SNAP25: variants seen among roughly 807,000 people sequenced by gnomAD.
The protein encoded by SNAP25 is synaptosomal-associated protein 25.
Under a neutral mutation model 28.7 loss-of-function variants are expected in SNAP25, and 3 were observed. That is an observed-to-expected ratio of 0.10 (90% CI 0.05 to 0.27). The LOEUF (loss-of-function observed/expected upper bound fraction) is 0.27, where lower values mean the gene tolerates loss of function less well. SNAP25 is among the 10% of genes least tolerant of loss of function. The pLI is 1.00. For synonymous variants in SNAP25, 61 were observed against 88.1 expected (o/e 0.69, Z 1.72); for missense variants, 117 against 278.7 (o/e 0.42, Z 4.13).
chr20:10,292,383 A>G (rs2064017200), intron 4 of SNAP25, among the ~76,000 whole-genome samples: 1 of 152,230 alleles, frequency 6.6e-6, no homozygotes. Context: ...AAAGACATCC[A>G]TACCCATTGC....
chr20:10,227,549 C>T (rs1469943685), intron 1 of SNAP25, among the ~76,000 whole-genome samples: 1 of 151,988 alleles, frequency 6.6e-6, no homozygotes, highest in Non-Finnish European at 1.5e-5. Context: ...AATTATGTCC[C>T]AAGGAATTAC....
intron 1 of SNAP25, among the ~76,000 whole-genome samples, chr20:10,269,702 G>T (rs925302127): frequency 5.3e-5 from 8 of 152,194 alleles, no homozygotes; most frequent in African/African-American, 1.9e-4. Flanking sequence ...AGCATGAAAG[G>T]AGCCATTGAC....
chr20:10,260,724 A>ACACACACACACACACAC (rs1568597310), intron 1 of SNAP25, among the ~76,000 whole-genome samples: 2 of 78,414 alleles, frequency 2.6e-5, no homozygotes, highest in African/African-American at 8.3e-5. Flanking sequence ...CACACACACA[A>ACACACACACACACACAC]ACACACACAC....
chr20:10,221,930 A>C (rs943141139), intron 1 of SNAP25, among the ~76,000 whole-genome samples: 1 of 152,270 alleles, frequency 6.6e-6, no homozygotes, highest in Non-Finnish European at 1.5e-5. Context: ...AGAAAAATAG[A>C]AAATATGCTT....
intron 1 of SNAP25, among the ~76,000 whole-genome samples, chr20:10,256,925 A>T (rs1385064519): frequency 6.6e-6 from 1 of 152,352 alleles, no homozygotes; most frequent in East Asian, 1.9e-4. Flanking sequence ...AATTGACTAT[A>T]AAAAACAGGA....
chr20:10,233,419 A>T (rs1023483096), intron 1 of SNAP25, among the ~76,000 whole-genome samples: 1 of 152,168 alleles, frequency 6.6e-6, no homozygotes, highest in Admixed American at 6.5e-5. Context: ...CAACCGTAAC[A>T]TTTATCCTTG....
chr20:10,234,945 C>T (rs2062891511), intron 1 of SNAP25, among the ~76,000 whole-genome samples: 1 of 152,096 alleles, frequency 6.6e-6, no homozygotes, highest in Non-Finnish European at 1.5e-5. Context: ...CACCTGTATC[C>T]CAGCTATTTG....
At chr20:10,268,129 A>G (rs2063535185) in intron 1 of SNAP25, among the ~76,000 whole-genome samples, 1 of 152,202 alleles carries the variant, frequency 6.6e-6, no homozygotes, top group Admixed American at 6.5e-5. Context: ...GTGTTAGTTA[A>G]TATGATTATT....
In SNAP25 at chr20:10,298,912, T is replaced by C. The variant is rs3025897; in HGVS notation, c.408-356T>C. On this transcript the variant is annotated intron_variant, in intron 6 of 7. Transcript: ENST00000254976. ...TTAGAAAGAAGAATATCGTTTCTAA[T>C]TCCATCTTCGTGCTCTGACCTAAAG... 9.3e-3 allele frequency among the ~76,000 whole-genome samples: 1,414 copies of C among 152,300 alleles called. 36 individuals carry two copies. The highest frequency in any genetic ancestry group is 0.032 in the African/African-American group (1,320 of 41,558).
At chr20:10,269,485 CACATATGA>C (rs2063556655) in intron 1 of SNAP25, among the ~76,000 whole-genome samples, 1 of 152,160 alleles carries the variant, frequency 6.6e-6, no homozygotes. Flanking sequence ...ATTTTACAGA[CACATATGA>C]ACAGAAAAAA....
At chr20:10,246,946 T>C (rs2063139290) in intron 1 of SNAP25, among the ~76,000 whole-genome samples, 2 of 152,158 alleles carry the variant, frequency 1.3e-5, no homozygotes, top group Non-Finnish European at 2.9e-5. Context: ...TGTTTCTCCA[T>C]TCTTCATGTG....
intron 4 of SNAP25, chr20:10,292,736 C>T (rs1472460891): frequency 1.0e-5 from 6 of 601,884 alleles, no homozygotes; most frequent in East Asian, 5.5e-5. Flanking sequence ...TGTAGGGCAG[C>T]GGTAGCAGTC....
Position 10,294,791 on chromosome 20 carries a change from G to GAA in SNAP25, c.281+1527_281+1528dup, listed in dbSNP as rs34820075. Among the ~76,000 whole-genome samples the GAA allele has an allele frequency of 2.1e-3, 255 of 121,930 alleles. 1 individual carries two copies. The highest frequency in any genetic ancestry group is 7.5e-3 in the South Asian group (27 of 3,582). The allele number at this position is 121,930 out of a possible 152,430, so 80.0% of individuals were successfully genotyped here. ...ATTAAGAAAGTCATATAATTCATCA[G>GAA]AAAAAAAAAAAAAAAGCCTCATTAC... is the stretch of plus-strand genomic sequence containing the variant. On this transcript the variant is annotated intron_variant, in intron 5 of 7. Coordinates refer to ENST00000254976, the MANE Select transcript of SNAP25 (RefSeq NM_130811.4).
intron 1 of SNAP25, among the ~76,000 whole-genome samples, chr20:10,274,075 C>T (rs2063644864): frequency 6.6e-6 from 1 of 152,110 alleles, no homozygotes; most frequent in Non-Finnish European, 1.5e-5. Context: ...CTATCTTGTC[C>T]ATCACTGTAT....
Position 10,278,734 on chromosome 20 carries a change from G to A in SNAP25, c.114+1008G>A, listed in dbSNP as rs574028659. ...TGCAACAACTTGAAAGGGAAGAAAA[G>A]ATAAATTTTACAAAGGATAAAAGGA... On this transcript the variant is annotated intron_variant, in intron 3 of 7. Coordinates refer to ENST00000254976, the MANE Select transcript of SNAP25 (RefSeq NM_130811.4). Among the ~76,000 whole-genome samples, 26 of 152,120 alleles carry A rather than the reference G, an allele frequency of 1.7e-4. No individual in the cohort carries two copies. The South Asian group carries it at 2.5e-3, about 15-fold the overall frequency.
Position 10,306,257 on chromosome 20 carries a change from T to C in SNAP25, c.*60T>C, listed in dbSNP as rs1600808159. Reference sequence around the variant, plus strand: ...GGGCAAGATAGCTCCTTCATGCTTTTCTCATGGTATTATCTAGTAGGTCTG... The same window carrying C: ...GGGCAAGATAGCTCCTTCATGCTTTCCTCATGGTATTATCTAGTAGGTCTG... On this transcript the variant is annotated 3_prime_UTR_variant, in exon 8 of 8. Transcript: ENST00000254976. 6.6e-7 allele frequency: 1 copy of C among 1,506,222 alleles called. No homozygotes were observed. Among genetic ancestry groups the C allele is most frequent in the South Asian group, 1.1e-5 (1 of 87,892 alleles). 93.3% of individuals were successfully genotyped at this position (1,506,222 alleles called of 1,614,324 possible).
intron 4 of SNAP25, among the ~76,000 whole-genome samples, chr20:10,291,409 G>A (rs1822568340): frequency 6.6e-6 from 1 of 151,912 alleles, no homozygotes; most frequent in South Asian, 2.1e-4. Context: ...AGCCATCACT[G>A]TGCCTGTATT....
At chr20:10,234,042 C>G (rs550585960) in intron 1 of SNAP25, among the ~76,000 whole-genome samples, 2 of 152,286 alleles carry the variant, frequency 1.3e-5, no homozygotes, top group African/African-American at 4.8e-5. Flanking sequence ...ATATGACAGG[C>G]TGGTAACTTA....
At chr20:10,274,138 G>A (rs1165437136) in intron 1 of SNAP25, among the ~76,000 whole-genome samples, 1 of 152,134 alleles carries the variant, frequency 6.6e-6, no homozygotes, top group Non-Finnish European at 1.5e-5. Flanking sequence ...AAATATTTGA[G>A]AAGGAAGGAG....
Sources: allele counts gnomAD v4.1 joint callset (sites outside exome capture counted in the v4.1 genomes callset), GRCh38; gene constraint gnomAD v4.1.1; transcripts MANE v1.5; gene names NCBI Gene and HGNC (gene_info 2026-07-23, HGNC 2026-07-21).